The following CSGALNACT2 variants were observed in gnomAD, a reference collection of about 807,000 sequenced individuals.
CSGALNACT2 encodes the protein beta 4 GalNAcT-2.
In CSGALNACT2, 35 loss-of-function variants were observed where a neutral mutation model predicts 55.3. The observed-to-expected ratio is 0.63, with a 90% CI of 0.48 to 0.84. CSGALNACT2 has a LOEUF of 0.84. Among genes scored for constraint, CSGALNACT2 ranks in the 40% least tolerant of loss-of-function variants. The pLI is 0.00. For synonymous variants in CSGALNACT2, 196 were observed against 224.9 expected, an observed-to-expected ratio of 0.87 and a Z score of 1.15; for missense variants, 544 against 657.5, an observed-to-expected ratio of 0.83 and a Z score of 1.89.
At chr10:43,165,548 C>T (rs1839246977) in intron 5 of CSGALNACT2, among the ~76,000 whole-genome samples, 1 of 152,148 alleles carries the variant, frequency 6.6e-6, no homozygotes, top group Non-Finnish European at 1.5e-5. Flanking sequence ...ACCTTAATCC[C>T]AGCACCTTGG....
chr10:43,163,129 C>T, intron 4 of CSGALNACT2: 3 of 985,330 alleles, frequency 3.0e-6, no homozygotes, highest in Non-Finnish European at 2.4e-6. Context: ...TTTTGAATGA[C>T]CTTTACACTC....
chr10:43,178,598 G>A (rs1429728131), intron 7 of CSGALNACT2, among the ~76,000 whole-genome samples: 2 of 145,386 alleles, frequency 1.4e-5, no homozygotes. Flanking sequence ...TCCAGCCTGG[G>A]CAACAGAGTG....
chr10:43,143,976 A>G (rs1385839793), intron 1 of CSGALNACT2, among the ~76,000 whole-genome samples: 1 of 152,202 alleles, frequency 6.6e-6, no homozygotes, highest in East Asian at 1.9e-4. Flanking sequence ...CAAGAAATGA[A>G]ACATTCTGAT....
At chr10:43,168,039 A>G (rs1367048395) in intron 6 of CSGALNACT2, among the ~76,000 whole-genome samples, 1 of 152,238 alleles carries the variant, frequency 6.6e-6, no homozygotes, top group Non-Finnish European at 1.5e-5. Context: ...TAGAATATGA[A>G]AACATTGAGA....
intron 7 of CSGALNACT2, among the ~76,000 whole-genome samples, chr10:43,176,377 C>G (rs1397860111): frequency 1.3e-5 from 2 of 152,160 alleles, no homozygotes; most frequent in Non-Finnish European, 2.9e-5. Flanking sequence ...TGGGTTGTTA[C>G]AGCTGGGAGT....
At chr10:43,147,227 G>A (rs955987068) in intron 1 of CSGALNACT2, among the ~76,000 whole-genome samples, 2 of 151,866 alleles carry the variant, frequency 1.3e-5, no homozygotes, top group East Asian at 1.9e-4. Context: ...CGCCCGCCTC[G>A]GCCTCCCAAA....
rs963473384 is a variant in CSGALNACT2, at chr10:43,142,392, C to T, written c.-254+3825C>T. 2.0e-5 allele frequency among the ~76,000 whole-genome samples: 3 copies of T among 151,976 alleles called. No homozygotes were observed. The East Asian group carries it at 5.8e-4, about 29-fold the overall frequency. On this transcript the variant is annotated intron_variant, in intron 1 of 7. Transcript: ENST00000374466. The stretch of plus-strand genomic sequence containing the variant: ...ATGCCCGGCTAATTTTTAGTAGAGA[C>T]GGGGTTTCACCGTGTTCCTCAGGCT...
intron 4 of CSGALNACT2, among the ~76,000 whole-genome samples, chr10:43,161,676 C>T (rs894476863): frequency 3.3e-5 from 5 of 152,222 alleles, no homozygotes; most frequent in African/African-American, 1.2e-4. Context: ...ACACCAGCTC[C>T]TCCTCCTGAT....
chr10:43,166,027 G>C (rs1208886173), intron 5 of CSGALNACT2, among the ~76,000 whole-genome samples: 1 of 152,174 alleles, frequency 6.6e-6, no homozygotes, highest in African/African-American at 2.4e-5. Context: ...TTTTTTTAAT[G>C]TAGAACTATT....
At chr10:43,142,276 A>G (rs1838645632) in intron 1 of CSGALNACT2, among the ~76,000 whole-genome samples, 2 of 151,766 alleles carry the variant, frequency 1.3e-5, no homozygotes, top group African/African-American at 4.8e-5. Flanking sequence ...CAGTGGCGTG[A>G]TCTTGGCTCA....
At chr10:43,170,593 A>C (rs1365918283) in intron 6 of CSGALNACT2, among the ~76,000 whole-genome samples, 2 of 152,250 alleles carry the variant, frequency 1.3e-5, no homozygotes, top group African/African-American at 4.8e-5. Context: ...ATGAGCAGAT[A>C]AATATTGAGT....
intron 7 of CSGALNACT2, among the ~76,000 whole-genome samples, chr10:43,182,111 C>CG (rs1368869311): frequency 1.3e-5 from 2 of 151,522 alleles, no homozygotes; most frequent in Non-Finnish European, 2.9e-5. Flanking sequence ...TCCCTCCATT[C>CG]GGGGTCCCTG....
chr10:43,150,356 A>T (rs1376237418), intron 1 of CSGALNACT2, among the ~76,000 whole-genome samples: 1 of 152,206 alleles, frequency 6.6e-6, no homozygotes, highest in African/African-American at 2.4e-5. Flanking sequence ...ATTGCTTTGT[A>T]TAAATCCATA....
intron 1 of CSGALNACT2, among the ~76,000 whole-genome samples, chr10:43,149,857 C>T (rs1432185989): frequency 2.0e-5 from 3 of 152,126 alleles, no homozygotes; most frequent in African/African-American, 4.8e-5. Context: ...CACCTGAGGT[C>T]GAGAGTTCAA....
rs543211934 is a variant in CSGALNACT2 at position 43,163,726 on chromosome 10, A to AT, written c.981-136dup. The AT allele has an allele frequency of 6.7e-4, 900 of 1,351,888 alleles. 4 individuals are homozygous for AT. Among genetic ancestry groups the AT allele is most frequent in the Middle Eastern group, 3.0e-3 (12 of 3,976 alleles). 83.7% of individuals were successfully genotyped at this position (1,351,888 alleles called of 1,614,324 possible). A position where few individuals can be genotyped will look rare whatever the true frequency, so the allele number is the denominator to read the frequency against. ...TGATAATCATACACATGAAGCTGGG[A>AT]TTTTCTTTCCCTTTGTGAATGTAGA... On this transcript the variant is annotated intron_variant, in intron 4 of 7. Transcript: ENST00000374466.
intron 4 of CSGALNACT2, 195 bp from the exon 5 acceptor site, chr10:43,163,671 A>G (rs1839199182): frequency 2.0e-6 from 2 of 985,314 alleles, no homozygotes; most frequent in African/African-American, 3.5e-5. Context: ...TGTGCCTCAA[A>G]TTGGGCATTT....
rs769610683 is a variant in CSGALNACT2 at position 43,155,123 on chromosome 10, T to A, written c.-27T>A. 3 of 1,563,300 alleles carry A rather than the reference T, an allele frequency of 1.9e-6. No homozygotes were observed. The South Asian group carries it at 3.4e-5, about 18-fold the overall frequency. ...GGTATGAACACACAAAGAGCTTATT[T>A]TGTTAGGCAAATACACATTAATAAG... On this transcript the variant is annotated 5_prime_UTR_variant, in exon 2 of 8. It adds an upstream start codon to the 5' untranslated region. Transcript: ENST00000374466.
intron 4 of CSGALNACT2, among the ~76,000 whole-genome samples, chr10:43,161,066 C>T (rs1839137679): frequency 6.6e-6 from 1 of 152,148 alleles, no homozygotes; most frequent in Non-Finnish European, 1.5e-5. Flanking sequence ...CTCAACATCA[C>T]GAGACAGTAG....
chr10:43,165,224 CAAAA>C (rs1004483353), intron 5 of CSGALNACT2, among the ~76,000 whole-genome samples: 10 of 139,284 alleles, frequency 7.2e-5, no homozygotes, highest in African/African-American at 2.4e-4. Flanking sequence ...CATTCTGTCT[CAAAA>C]AAAAAAAGTA....
Sources: gnomAD v4.1 joint callset for allele counts (sites outside exome capture counted in the v4.1 genomes callset) on GRCh38, gnomAD v4.1.1 for gene constraint, MANE v1.5 for transcripts, NCBI Gene and HGNC (gene_info 2026-07-23, HGNC 2026-07-21) for gene names.